The following GBE1 variants were observed in gnomAD, a reference collection of about 807,000 sequenced individuals.
GBE1 encodes 1,4-alpha-glucan branching enzyme 1.
A neutral mutation model predicts 88.8 loss-of-function variants in GBE1; 70 were observed. The ratio of observed to expected loss-of-function variants is 0.79; its 90% CI spans 0.65 to 0.96. The LOEUF is 0.96. Among genes scored for constraint, GBE1 ranks in the 40% least tolerant of loss-of-function variants. GBE1 has a pLI of 0.00. For missense variants in GBE1, 872 were observed against 871.0 expected, an observed-to-expected ratio of 1.00 and a Z score of -0.01; for synonymous variants, 284 against 300.1, an observed-to-expected ratio of 0.95 and a Z score of 0.56.
At chr3:81,561,720 T>C (rs950438521) in intron 12 of GBE1, among the ~76,000 whole-genome samples, 11 of 152,160 alleles carry the variant, frequency 7.2e-5, no homozygotes, top group Admixed American at 5.2e-4. Flanking sequence ...GATCTGACCA[T>C]GCCAATCTCC....
At chr3:81,741,791 G>C (rs1027660869) in intron 1 of GBE1, among the ~76,000 whole-genome samples, 17 of 147,160 alleles carry the variant, frequency 1.2e-4, no homozygotes, top group Non-Finnish European at 2.4e-4. Context: ...ATAATATATA[G>C]AGTATTATAC....
rs745684184 is a variant in GBE1 at position 81,648,957 on chromosome 3, A to C, written c.590T>G (p.Leu197Arg). The C allele has an allele frequency of 6.3e-7, 1 of 1,587,662 alleles. No individual in the cohort carries two copies. Among genetic ancestry groups the C allele is most frequent in the Non-Finnish European group, 8.6e-7 (1 of 1,163,744 alleles). Residue 197 changes from leucine (L) to arginine (R), a missense_variant, in exon 5 of 16, where the codon CTA becomes CGA. Leu to Arg is a moderately radical substitution (Grantham distance 102). Transcript: ENST00000429644. ...KHSRPKKPRS[L>R]RIYESHVGIS... ...TCCCACATGAGATTCATAAATTCTTAGACTCCGTGGCTTCTTTGGTCTGGA... is the reference window on the plus strand; with the variant it reads ...TCCCACATGAGATTCATAAATTCTTCGACTCCGTGGCTTCTTTGGTCTGGA...
At chr3:81,759,217 G>GGAACATCCAAAACATCCTAAGGGAAC (rs1706644105) in intron 1 of GBE1, among the ~76,000 whole-genome samples, 2 of 152,282 alleles carry the variant, frequency 1.3e-5, no homozygotes, top group African/African-American at 4.8e-5. Context: ...AAGAAGGGAA[G>GGAACATCCAAAACATCCTAAGGGAAC]GAACATCCAA....
chr3:81,662,701 A>T (rs1705048456), intron 3 of GBE1, among the ~76,000 whole-genome samples: 1 of 151,952 alleles, frequency 6.6e-6, no homozygotes, highest in East Asian at 1.9e-4. Context: ...GAAAGTTACC[A>T]ATGTTACTTT....
intron 7 of GBE1, among the ~76,000 whole-genome samples, chr3:81,614,271 T>G (rs922266392): frequency 6.6e-6 from 1 of 152,186 alleles, no homozygotes; most frequent in African/African-American, 2.4e-5. Context: ...GTGTGTCCCC[T>G]ATATCTCAAT....
intron 1 of GBE1, among the ~76,000 whole-genome samples, chr3:81,729,204 G>T (rs1293436634): frequency 6.6e-6 from 1 of 152,092 alleles, no homozygotes; most frequent in Non-Finnish European, 1.5e-5. Flanking sequence ...ATGTTTAGAA[G>T]GCACAAGTAA....
intron 7 of GBE1, among the ~76,000 whole-genome samples, chr3:81,640,082 T>C (rs1192851750): frequency 6.6e-6 from 1 of 152,222 alleles, no homozygotes; most frequent in African/African-American, 2.4e-5. Flanking sequence ...AATGAATTTA[T>C]ATACACTGGC....
At chr3:81,732,295 T>C (rs1476667939) in intron 1 of GBE1, among the ~76,000 whole-genome samples, 1 of 152,186 alleles carries the variant, frequency 6.6e-6, no homozygotes, top group African/African-American at 2.4e-5. Flanking sequence ...TATTTTATAT[T>C]AGGCAAACAT....
At chr3:81,723,441 G>A (rs1706064979) in intron 1 of GBE1, among the ~76,000 whole-genome samples, 1 of 151,878 alleles carries the variant, frequency 6.6e-6, no homozygotes. Flanking sequence ...CAATATCAAA[G>A]ATGCCATATT....
chr3:81,706,613 G>GA (rs1705778658), intron 1 of GBE1, among the ~76,000 whole-genome samples: 1 of 152,118 alleles, frequency 6.6e-6, no homozygotes, highest in Non-Finnish European at 1.5e-5. Context: ...AAGATGGCAG[G>GA]AATCGAGGCA....
At chr3:81,682,033 A>G (rs914871561) in intron 2 of GBE1, among the ~76,000 whole-genome samples, 1 of 152,256 alleles carries the variant, frequency 6.6e-6, no homozygotes, top group Non-Finnish European at 1.5e-5. Flanking sequence ...TATATTTGAT[A>G]GGGGATGTGA....
chr3:81,642,557 T>C (rs1484002640), intron 7 of GBE1: 7 of 410,538 alleles, frequency 1.7e-5, no homozygotes, highest in Non-Finnish European at 3.0e-5. Context: ...ATAACCAATA[T>C]ATTTTACATG....
At chr3:81,612,849 G>A in intron 7 of GBE1, 1 of 416,736 alleles carries the variant, frequency 2.4e-6, no homozygotes, top group South Asian at 2.0e-5. Context: ...GGATGAGTTA[G>A]GAGAGTTCAT....
chr3:81,609,137 A>G (rs1318677747), intron 7 of GBE1, among the ~76,000 whole-genome samples: 1 of 152,174 alleles, frequency 6.6e-6, no homozygotes, highest in Non-Finnish European at 1.5e-5. Context: ...TAAGGAGGGC[A>G]GCTCTTAGGA....
At chr3:81,625,737 G>A (rs1704405778) in intron 7 of GBE1, among the ~76,000 whole-genome samples, 2 of 152,144 alleles carry the variant, frequency 1.3e-5, no homozygotes, top group African/African-American at 4.8e-5. Flanking sequence ...ACCATGCCTA[G>A]CCCTTGACTT....
intron 3 of GBE1, among the ~76,000 whole-genome samples, chr3:81,659,995 G>T (rs1705000277): frequency 1.3e-5 from 2 of 152,012 alleles, no homozygotes; most frequent in Non-Finnish European, 2.9e-5. Context: ...TCTGTATTTT[G>T]CCAGGTATAG....
At chr3:81,491,298 A>G (rs1441940656) in intron 15 of GBE1, among the ~76,000 whole-genome samples, 1 of 152,156 alleles carries the variant, frequency 6.6e-6, no homozygotes, top group African/African-American at 2.4e-5. Context: ...AACACTTAAC[A>G]CAATTTGTGA....
Position 81,687,786 on chromosome 3 carries a change from T to C in GBE1, c.314-16833A>G, listed in dbSNP as rs1206614509. ...CTCAAGGTTCAAAAGAGATGAAACG[T>C]TGAAAAAGAGATCAAGGAGTCTGGA... On this transcript the variant is annotated intron_variant, in intron 2 of 15. Coordinates refer to ENST00000429644, the MANE Select transcript of GBE1 (RefSeq NM_000158.4). 3.3e-5 allele frequency among the ~76,000 whole-genome samples: 5 copies of C among 152,120 alleles called. 1 individual carries two copies. Among genetic ancestry groups the C allele is most frequent in the South Asian group, 4.1e-4 (2 of 4,822 alleles).
intron 12 of GBE1, among the ~76,000 whole-genome samples, chr3:81,560,098 C>T (rs938592253): frequency 6.6e-6 from 1 of 151,796 alleles, no homozygotes; most frequent in Non-Finnish European, 1.5e-5. Context: ...TCAGAATGCA[C>T]CAGGCTTATG....
Sources: gnomAD v4.1 joint callset for allele counts (sites outside exome capture counted in the v4.1 genomes callset) on GRCh38, gnomAD v4.1.1 for gene constraint, MANE v1.5 for transcripts, NCBI Gene and HGNC (gene_info 2026-07-23, HGNC 2026-07-21) for gene names.